OR3A2: variants seen among roughly 807,000 people sequenced by gnomAD.
OR3A2 encodes olfactory receptor family 3 subfamily A member 2.
For synonymous variants in OR3A2, 126 were observed against 159.3 expected, an observed-to-expected ratio of 0.79 and a Z score of 1.57; for missense variants, 318 against 392.8, an observed-to-expected ratio of 0.81 and a Z score of 1.61.
chr17:3,367,326 C>G lies in OR3A2; in HGVS notation c.-179+16478G>C, dbSNP rs376717431. ...TCCACCCATCACCAAGCAGTGAACA[C>G]TGTACCCAATGTGTAATCTTTTATC... On this transcript the variant is annotated intron_variant, in intron 2 of 4. Transcript: ENST00000573491. 3.1e-4 allele frequency among the ~76,000 whole-genome samples: 47 copies of G among 152,228 alleles called. 1 individual carries two copies. In the East Asian group the frequency reaches 7.7e-3, roughly 25 times the overall value.
intron 2 of OR3A2, among the ~76,000 whole-genome samples, chr17:3,344,617 A>G (rs2049347532): frequency 6.6e-6 from 1 of 152,168 alleles, no homozygotes; most frequent in African/African-American, 2.4e-5. Context: ...TTATAGTCAT[A>G]TCCTTTTCCT....
intron 3 of OR3A2, among the ~76,000 whole-genome samples, chr17:3,307,725 G>C (rs2049009025): frequency 6.6e-6 from 1 of 152,178 alleles, no homozygotes; most frequent in African/African-American, 2.4e-5. Flanking sequence ...GAGAAGCCGG[G>C]CTTGAGGATG....
upstream of OR3A2, among the ~76,000 whole-genome samples, chr17:3,286,145 T>G (rs1368108873): frequency 6.6e-6 from 1 of 152,186 alleles, no homozygotes; most frequent in Non-Finnish European, 1.5e-5. Flanking sequence ...AACTCCCACT[T>G]ATGAGTGAGA....
chr17:3,280,286 T>C (rs2150616082), intron 1 of OR3A2, among the ~76,000 whole-genome samples: 1 of 152,010 alleles, frequency 6.6e-6, no homozygotes, highest in South Asian at 2.1e-4. Flanking sequence ...TTTTTTTTTT[T>C]TTTGAGACAG....
At chr17:3,333,109 G>A (rs565936669) in intron 3 of OR3A2, among the ~76,000 whole-genome samples, 4 of 152,148 alleles carry the variant, frequency 2.6e-5, no homozygotes, top group Non-Finnish European at 5.9e-5. Flanking sequence ...TCCTAGCAAG[G>A]AATATTAAAT....
chr17:3,321,019 T>G (rs2049117669), intron 3 of OR3A2, among the ~76,000 whole-genome samples: 1 of 152,188 alleles, frequency 6.6e-6, no homozygotes, highest in African/African-American at 2.4e-5. Context: ...GAGCATGGAA[T>G]GTGTTTCCAT....
intron 3 of OR3A2, among the ~76,000 whole-genome samples, chr17:3,326,821 G>C (rs1597341799): frequency 7.2e-6 from 1 of 139,742 alleles, no homozygotes; most frequent in Non-Finnish European, 1.5e-5. Flanking sequence ...TTTTGTTCTT[G>C]CGATAGTTTA....
chr17:3,294,575 A>G (rs765250541), intron 3 of OR3A2, among the ~76,000 whole-genome samples: 14 of 152,230 alleles, frequency 9.2e-5, no homozygotes, highest in Middle Eastern at 3.2e-3. Flanking sequence ...ACAATTCAAA[A>G]GTGTACACTT....
rs976588064 is a variant in OR3A2, at chr17:3,292,696, C to T, written c.-84-13543G>A. 4.5e-6 allele frequency: 4 copies of T among 892,660 alleles called. No homozygotes were observed. The Admixed American group carries it at 1.1e-4, about 25-fold the overall frequency. The allele number at this position is 892,660 out of a possible 1,614,324, so 55.3% of individuals were successfully genotyped here. On this transcript the variant is annotated intron_variant, in intron 3 of 4. Coordinates refer to the OR3A2 transcript ENST00000573491. ...ACTTGCCCGGCCCTCTGCCACGTTC[C>T]CTCTGTACAAGTAAGGAATTTTGCG...
At chr17:3,386,306 C>T (rs931666109), upstream of OR3A2, 9 of 398,314 alleles carry the variant, frequency 2.3e-5, no homozygotes, top group African/African-American at 6.2e-5. Context: ...CCGACGGCGG[C>T]GTGCCGGCCC....
intron 3 of OR3A2, among the ~76,000 whole-genome samples, chr17:3,319,607 T>C: frequency 6.6e-6 from 1 of 152,174 alleles, no homozygotes; most frequent in East Asian, 1.9e-4. Flanking sequence ...CTCCCACTTA[T>C]GAGTGAGAAC....
upstream of OR3A2, among the ~76,000 whole-genome samples, chr17:3,286,377 C>G (rs2048812709): frequency 6.6e-6 from 1 of 152,130 alleles, no homozygotes; most frequent in Non-Finnish European, 1.5e-5. Context: ...AATAAACATA[C>G]ATGTGCATGT....
rs549592038 is a variant in OR3A2, at chr17:3,362,894, G to C, written c.-179+20910C>G. On this transcript the variant is annotated intron_variant, in intron 2 of 4. Transcript: ENST00000573491. The stretch of plus-strand genomic sequence containing the variant: ...ACTATGGAGAAGCTGCCAAGGCTTG[G>C]GTTTGCACTCTCTGAAACAATGGCC... 1.1e-4 allele frequency among the ~76,000 whole-genome samples: 17 copies of C among 151,910 alleles called. No individual in the cohort carries two copies. In the South Asian group the frequency reaches 3.5e-3, roughly 32 times the overall value.
At chr17:3,350,789 A>G (rs1055856326) in intron 2 of OR3A2, among the ~76,000 whole-genome samples, 2 of 149,970 alleles carry the variant, frequency 1.3e-5, no homozygotes, top group African/African-American at 2.5e-5. Context: ...CCTCAATAAA[A>G]TACTGGCAAA....
intron 2 of OR3A2, among the ~76,000 whole-genome samples, chr17:3,379,180 G>C (rs2049711998): frequency 6.6e-6 from 1 of 152,088 alleles, no homozygotes; most frequent in Non-Finnish European, 1.5e-5. Flanking sequence ...AGTTCCACAA[G>C]AACTAAAAGG....
At chr17:3,306,515 C>T (rs1260886827) in intron 3 of OR3A2, among the ~76,000 whole-genome samples, 2 of 152,076 alleles carry the variant, frequency 1.3e-5, no homozygotes, top group African/African-American at 4.8e-5. Flanking sequence ...GATGCTCCCA[C>T]TCCCCCTTCC....
In OR3A2 at chr17:3,337,456, G is replaced by C. The variant is rs560235190; in HGVS notation, c.-178-1330C>G. ...AACCCCACGAGAGGCCCCGGTGTGTGATGTTCCCCGCCCTGTGTCCAAGTG... is the reference window on the plus strand; with the variant it reads ...AACCCCACGAGAGGCCCCGGTGTGTCATGTTCCCCGCCCTGTGTCCAAGTG... On this transcript the variant is annotated intron_variant, in intron 2 of 4. Transcript: ENST00000573491. Among the ~76,000 whole-genome samples, 14 of 152,016 alleles carry C rather than the reference G, an allele frequency of 9.2e-5. No homozygotes were observed. In the East Asian group the frequency reaches 2.7e-3, roughly 29 times the overall value.
intron 3 of OR3A2, among the ~76,000 whole-genome samples, chr17:3,332,082 C>A (rs1215704238): frequency 6.6e-6 from 1 of 152,266 alleles, no homozygotes; most frequent in East Asian, 1.9e-4. Flanking sequence ...TCTCAGATCT[C>A]CAGCTGTGTG....
rs377350758 is a variant in OR3A2 at position 3,284,042 on chromosome 17, C to T, written c.-7+316G>A. On this transcript the variant is annotated intron_variant, in intron 1 of 1. Coordinates refer to ENST00000642052, the Ensembl canonical transcript of OR3A2. ...CTGGAACTCCAGCCCATCCCTCACGCGCCCAACATGACGAGGCTCAAGGAC... is the reference window on the plus strand; with the variant it reads ...CTGGAACTCCAGCCCATCCCTCACGTGCCCAACATGACGAGGCTCAAGGAC... Among the ~76,000 whole-genome samples the T allele has an allele frequency of 3.0e-4, 44 of 148,090 alleles. No individual in the cohort carries two copies. The East Asian group carries it at 7.0e-3, about 24-fold the overall frequency.
Sources: allele counts gnomAD v4.1 joint callset (sites outside exome capture counted in the v4.1 genomes callset), GRCh38; gene constraint gnomAD v4.1.1; transcripts MANE v1.5; gene names NCBI Gene and HGNC (gene_info 2026-07-23, HGNC 2026-07-21).